Variants in RABGAP1L observed in about 807,000 individuals in gnomAD.
The protein encoded by RABGAP1L is RAB GTPase activating protein 1 like.
Under a neutral mutation model 137.7 loss-of-function variants are expected in RABGAP1L, and 63 were observed. That is an observed-to-expected ratio of 0.46 (90% CI 0.37 to 0.56). RABGAP1L has a LOEUF of 0.56. Ranked by LOEUF, RABGAP1L falls within the 20% of genes least tolerant of loss-of-function variation. The probability of loss-of-function intolerance (pLI) is 0.00; values close to 1 mark genes in which losing one functional copy is unlikely to be tolerated. For synonymous variants in RABGAP1L, 431 were observed against 433.7 expected, an observed-to-expected ratio of 0.99 and a Z score of 0.08; for missense variants, 1,095 against 1,244.0, an observed-to-expected ratio of 0.88 and a Z score of 1.80.
chr1:174,763,344 C>T (rs528398132), intron 18 of RABGAP1L, among the ~76,000 whole-genome samples: 1 of 149,654 alleles, frequency 6.7e-6, no homozygotes, highest in African/African-American at 2.5e-5. Flanking sequence ...GGTGAAACCC[C>T]GTCTCTACTA....
At chr1:174,816,817 C>G (rs368147425) in intron 19 of RABGAP1L, among the ~76,000 whole-genome samples, 1 of 148,426 alleles carries the variant, frequency 6.7e-6, no homozygotes, top group Non-Finnish European at 1.5e-5. Context: ...CTGCAACCTT[C>G]GCCTCCCTGG....
At chr1:174,758,806 C>T (rs6701968) in intron 18 of RABGAP1L, among the ~76,000 whole-genome samples, 2,116 of 152,198 alleles carry the variant, frequency 0.014, 53 homozygotes, top group African/African-American at 0.047. Flanking sequence ...CATCAAAAGT[C>T]AAAACTGAAA....
intron 13 of RABGAP1L, among the ~76,000 whole-genome samples, chr1:174,563,791 C>T (rs931140942): frequency 5.9e-5 from 9 of 151,922 alleles, no homozygotes; most frequent in Admixed American, 3.3e-4. Flanking sequence ...TGTTCTGGTC[C>T]GCAAAATTGT....
At chr1:174,989,285 T>C (rs895891665) in intron 25 of RABGAP1L, among the ~76,000 whole-genome samples, 3 of 152,210 alleles carry the variant, frequency 2.0e-5, no homozygotes, top group Non-Finnish European at 2.9e-5. Flanking sequence ...TTCCCCATTA[T>C]CTTTCTCCAT....
At chr1:174,791,104 T>C (rs1323887020) in intron 18 of RABGAP1L, among the ~76,000 whole-genome samples, 1 of 151,648 alleles carries the variant, frequency 6.6e-6, no homozygotes, top group African/African-American at 2.4e-5. Context: ...GACAGGAGAA[T>C]TGCTTGAACC....
At chr1:174,191,691 A>G (rs1187406344) in intron 1 of RABGAP1L, among the ~76,000 whole-genome samples, 9 of 152,146 alleles carry the variant, frequency 5.9e-5, no homozygotes, top group Admixed American at 5.9e-4. Flanking sequence ...CCCAGGTCTT[A>G]TAACTGCTTG....
At chr1:174,911,195 T>C (rs1230760038) in intron 19 of RABGAP1L, among the ~76,000 whole-genome samples, 1 of 152,220 alleles carries the variant, frequency 6.6e-6, no homozygotes, top group Non-Finnish European at 1.5e-5. Flanking sequence ...CAAATCCTTA[T>C]CAGCTATATG....
chr1:174,191,318 A>T (rs544966615), intron 1 of RABGAP1L, among the ~76,000 whole-genome samples: 2 of 152,158 alleles, frequency 1.3e-5, no homozygotes, highest in South Asian at 4.1e-4. Context: ...TTGTCTGTTG[A>T]TTTTTGAAAA....
intron 13 of RABGAP1L, among the ~76,000 whole-genome samples, chr1:174,635,547 C>T (rs977457381): frequency 6.6e-6 from 1 of 152,134 alleles, no homozygotes; most frequent in South Asian, 2.1e-4. Flanking sequence ...CCCCACCCCA[C>T]CCTGCAGTTT....
intron 21 of RABGAP1L, among the ~76,000 whole-genome samples, chr1:174,974,586 G>T (rs1268711628): frequency 6.6e-6 from 1 of 152,118 alleles, no homozygotes; most frequent in Non-Finnish European, 1.5e-5. Flanking sequence ...TTTGCTGTTA[G>T]ATTTTCCCCC....
intron 20 of RABGAP1L, chr1:174,965,099 C>A: frequency 1.4e-6 from 1 of 721,586 alleles, no homozygotes; most frequent in Non-Finnish European, 2.2e-6. Flanking sequence ...TGTACATCTC[C>A]TATCCATAAG....
intron 13 of RABGAP1L, among the ~76,000 whole-genome samples, chr1:174,477,709 T>C (rs999630358): frequency 1.2e-4 from 18 of 152,170 alleles, no homozygotes; most frequent in Non-Finnish European, 1.0e-4. Context: ...TAGGAACCCT[T>C]ATATAATGTG....
At chr1:174,587,528 T>C (rs1053146187) in intron 13 of RABGAP1L, among the ~76,000 whole-genome samples, 1 of 151,976 alleles carries the variant, frequency 6.6e-6, no homozygotes, top group East Asian at 1.9e-4. Flanking sequence ...TTAAATAATA[T>C]ACAGTTAATC....
At chr1:174,712,187 A>G (rs759715214) in intron 17 of RABGAP1L, among the ~76,000 whole-genome samples, 1 of 152,210 alleles carries the variant, frequency 6.6e-6, no homozygotes, top group Non-Finnish European at 1.5e-5. Flanking sequence ...ACCAATCAGC[A>G]GGATGTGGGT....
intron 7 of RABGAP1L, among the ~76,000 whole-genome samples, chr1:174,257,952 T>C (rs1673259988): frequency 1.3e-5 from 2 of 152,210 alleles, no homozygotes; most frequent in Admixed American, 6.5e-5. Context: ...TGGACTCATA[T>C]ATCCAACAGT....
rs1223170451 is a variant in RABGAP1L at position 174,351,371 on chromosome 1, ATCTC to A, written c.1466-19604_1466-19601del. Among the ~76,000 whole-genome samples, 3 of 151,840 alleles carry A rather than the reference ATCTC, an allele frequency of 2.0e-5. No homozygotes were observed. The East Asian group carries it at 5.8e-4, about 29-fold the overall frequency. On this transcript the variant is annotated intron_variant, in intron 11 of 25. Coordinates refer to ENST00000681986, the MANE Select transcript of RABGAP1L (RefSeq NM_001366446.1). ...GTCGGACAGGTCTGGTGTTGATAAA[ATCTC>A]TCTGTTTTTGTTGATCTGTGCAAGA... is the stretch of plus-strand genomic sequence containing the variant.
At chr1:174,799,699 ACCT>A (rs1437892082) in intron 18 of RABGAP1L, among the ~76,000 whole-genome samples, 2 of 150,292 alleles carry the variant, frequency 1.3e-5, no homozygotes, top group Non-Finnish European at 3.0e-5. Context: ...TCATTCACCT[ACCT>A]CCTCCTCTTC....
At chr1:174,357,564 A>G (rs6666767) in intron 11 of RABGAP1L, among the ~76,000 whole-genome samples, 89,470 of 152,066 alleles carry the variant, frequency 0.59, 29,250 homozygotes, top group African/African-American at 0.89. Flanking sequence ...TTAAACACAC[A>G]AGTAAATAAA....
At chr1:174,305,205 T>C (rs1420912383) in intron 11 of RABGAP1L, 78 bp downstream of exon 11, 1 of 1,380,590 alleles carries the variant, frequency 7.2e-7, no homozygotes, top group African/African-American at 1.5e-5. Flanking sequence ...GTGTGTGTGT[T>C]GTGGGTAGAA....
Sources: gnomAD v4.1 joint callset for allele counts (sites outside exome capture counted in the v4.1 genomes callset) on GRCh38, gnomAD v4.1.1 for gene constraint, MANE v1.5 for transcripts, NCBI Gene and HGNC (gene_info 2026-07-23, HGNC 2026-07-21) for gene names.